The following INPP5K variants were observed in gnomAD, a reference collection of about 807,000 sequenced individuals.
INPP5K encodes inositol polyphosphate-5-phosphatase K.
Under a neutral mutation model 53.5 loss-of-function variants are expected in INPP5K, and 35 were observed. The ratio of observed to expected loss-of-function variants is 0.65; its 90% CI spans 0.50 to 0.87. The LOEUF (loss-of-function observed/expected upper bound fraction) is 0.87. INPP5K is among the 40% of genes least tolerant of loss of function. The pLI is 0.00. For missense variants in INPP5K, 550 were observed against 586.2 expected, an observed-to-expected ratio of 0.94 and a Z score of 0.64; for synonymous variants, 253 against 232.8, an observed-to-expected ratio of 1.09 and a Z score of -0.79.
At chr17:1,506,896 C>G in intron 7 of INPP5K, 84 bp downstream of exon 7, 2 of 958,162 alleles carry the variant, frequency 2.1e-6, no homozygotes, top group South Asian at 1.5e-5. Context: ...CCCCCTAACA[C>G]TTCTATTCTG....
In INPP5K at chr17:1,516,561, G is replaced by T. The variant is rs914441534; in HGVS notation, c.-62C>A. On this transcript the variant is annotated 5_prime_UTR_variant, in exon 1 of 12. Transcript: ENST00000421807. Reference sequence around the variant, plus strand: ...CGCGTCTCCCGGCCAGCGGGTCCCGGCCAGAGCAGCCCTGCGGGCGGCCGG... The same window carrying T: ...CGCGTCTCCCGGCCAGCGGGTCCCGTCCAGAGCAGCCCTGCGGGCGGCCGG... The T allele has an allele frequency of 9.4e-6, 14 of 1,495,956 alleles. No homozygotes were observed. The African/African-American group carries it at 1.7e-4, about 18-fold the overall frequency. 92.7% of individuals were successfully genotyped at this position (1,495,956 alleles called of 1,614,324 possible). A position where few individuals can be genotyped will look rare whatever the true frequency, so the allele number is the denominator to read the frequency against.
chr17:1,504,919 TCAGCCC>T (rs2075117815), intron 7 of INPP5K, among the ~76,000 whole-genome samples: 1 of 152,206 alleles, frequency 6.6e-6, no homozygotes, highest in Non-Finnish European at 1.5e-5. Flanking sequence ...GAGATCAGTC[TCAGCCC>T]CAGCTCTGCC....
chr17:1,500,740 G>GT (rs144347841), intron 7 of INPP5K, among the ~76,000 whole-genome samples: 25,613 of 151,938 alleles, frequency 0.17, 2,305 homozygotes, highest in Non-Finnish European at 0.2. Context: ...ATGTCACTTA[G>GT]GTGTAAGCCC....
In INPP5K at chr17:1,508,238, A is replaced by C. The variant is rs755745268; in HGVS notation, c.555-12T>G. The C allele has an allele frequency of 3.1e-6, 5 of 1,595,394 alleles. No homozygotes were observed. The South Asian group carries it at 3.3e-5, about 11-fold the overall frequency. On this transcript the variant is annotated splice_polypyrimidine_tract_variant and intron_variant, in intron 5 of 11. Transcript: ENST00000421807. ...ACCAGATAATGAGGCTTCAGAAAAA[A>C]AGGAGGGCAGCCTGAGGATTTGTGA...
intron 7 of INPP5K, among the ~76,000 whole-genome samples, chr17:1,501,947 A>C (rs1229219474): frequency 1.3e-5 from 2 of 151,694 alleles, no homozygotes; most frequent in African/African-American, 4.9e-5. Context: ...AGGCAGGAGA[A>C]TCGCTTGAAC....
rs577456958 is a variant in INPP5K at position 1,502,034 on chromosome 17, C to CA, written c.777-3913dup. ...TGGGCAACAGAGCAAGACTCCATCT[C>CA]AAAAAAAAAAAAGAAAAAAACAAAC... On this transcript the variant is annotated intron_variant, in intron 7 of 11. Transcript: ENST00000421807. Among the ~76,000 whole-genome samples the CA allele has an allele frequency of 7.9e-3, 1,041 of 132,176 alleles. 13 individuals carry two copies. Among genetic ancestry groups the CA allele is most frequent in the African/African-American group, 0.021 (735 of 35,788 alleles). The allele number at this position is 132,176 out of a possible 152,430, so 86.7% of individuals were successfully genotyped here. A position where few individuals can be genotyped will look rare whatever the true frequency, so the allele number is the denominator to read the frequency against.
intron 1 of INPP5K, 45 bp downstream of exon 1, chr17:1,516,411 C>T: frequency 6.4e-7 from 1 of 1,558,166 alleles, no homozygotes. Flanking sequence ...CAAGGGGCGC[C>T]GATCCCCCCG....
At chr17:1,514,146 A>G (rs2075377368) in intron 1 of INPP5K, among the ~76,000 whole-genome samples, 167 bp from the exon 2 acceptor site, 2 of 151,856 alleles carry the variant, frequency 1.3e-5, no homozygotes, top group African/African-American at 2.4e-5. Context: ...AACATGGTGA[A>G]ACCCCGTCTC....
chr17:1,497,808 AG>A (rs1413909494), intron 8 of INPP5K, 127 bp downstream of exon 8: 6 of 798,892 alleles, frequency 7.5e-6, no homozygotes, highest in Non-Finnish European at 1.2e-5. Context: ...CTGGCAGGAA[AG>A]GCAATCATGG....
rs1017829439 is a variant in INPP5K at position 1,496,714 on chromosome 17, T to C, written c.1053A>G (p.Ser351=). 1.2e-6 allele frequency: 2 copies of C among 1,613,976 alleles called. No individual in the cohort carries two copies. Among genetic ancestry groups the C allele is most frequent in the East Asian group, 2.2e-5 (1 of 44,896 alleles). ...VENDMMVSYS[S]TSDFPSSPWD... Reference sequence around the variant, plus strand: ...ACGGGCTGCTGGGGAAGTCCGAGGTTGAAGAGTAGCTGACCATCATGTCAT... The same window carrying C: ...ACGGGCTGCTGGGGAAGTCCGAGGTCGAAGAGTAGCTGACCATCATGTCAT... Residue 351 remains serine (S), a synonymous_variant, in exon 9 of 12, where the codon TCA becomes TCG. Transcript: ENST00000421807.
chr17:1,510,019 C>T (rs560822701), intron 3 of INPP5K, among the ~76,000 whole-genome samples: 15 of 152,338 alleles, frequency 9.8e-5, no homozygotes, highest in Middle Eastern at 6.8e-3. Context: ...TTCGATTCTG[C>T]GCCTAGGCGT....
intron 7 of INPP5K, among the ~76,000 whole-genome samples, chr17:1,498,735 G>A (rs1247880491): frequency 6.6e-6 from 1 of 152,104 alleles, no homozygotes; most frequent in Non-Finnish European, 1.5e-5. Context: ...CTGAGTGGCT[G>A]GGACGGTAAG....
At chr17:1,500,834 G>A (rs1190367710) in intron 7 of INPP5K, among the ~76,000 whole-genome samples, 1 of 151,968 alleles carries the variant, frequency 6.6e-6, no homozygotes, top group Non-Finnish European at 1.5e-5. Context: ...TCAATAACCA[G>A]GTACACTTAC....
At chr17:1,506,924 G>T in intron 7 of INPP5K, 56 bp downstream of exon 7, 2 of 1,203,642 alleles carry the variant, frequency 1.7e-6, no homozygotes, top group Admixed American at 1.8e-5. Context: ...TCCCATGCCA[G>T]CAGGGTCAGT....
chr17:1,513,346 G>T, intron 3 of INPP5K, 107 bp downstream of exon 3: 1 of 955,798 alleles, frequency 1.0e-6, no homozygotes, highest in Middle Eastern at 2.1e-4. Flanking sequence ...ATGGGAAACA[G>T]CATGAAAGGC....
At chr17:1,501,896 G>A (rs781449139) in intron 7 of INPP5K, among the ~76,000 whole-genome samples, 1 of 151,208 alleles carries the variant, frequency 6.6e-6, no homozygotes, top group Admixed American at 6.6e-5. Flanking sequence ...TTTGCCAGGC[G>A]TGGTGGCATG....
chr17:1,500,557 G>A (rs2074983377), intron 7 of INPP5K, among the ~76,000 whole-genome samples: 1 of 152,122 alleles, frequency 6.6e-6, no homozygotes, highest in African/African-American at 2.4e-5. Context: ...AGTAGAGACG[G>A]GGTTTCACCG....
rs1182680134 is a variant in INPP5K, at chr17:1,496,680, TC to T, written c.1086del (p.Trp362Ter). 1 of 1,614,000 alleles carries T rather than the reference TC, an allele frequency of 6.2e-7. No homozygotes were observed. The highest frequency in any genetic ancestry group is 1.3e-5 in the African/African-American group (1 of 74,900). ...TSDFPSSPWD[W>X]IGLYKVGLRD... ...CACCACATCACCTTGTACAGTCCAATCCAGTCCCACGGGCTGCTGGGGAAGT... is the reference window on the plus strand; with the variant it reads ...CACCACATCACCTTGTACAGTCCAATCAGTCCCACGGGCTGCTGGGGAAGT... On this transcript the variant is annotated frameshift_variant, in exon 9 of 12. Transcript: ENST00000421807. LOFTEE classifies it high-confidence loss of function.
In INPP5K at chr17:1,507,060, C is replaced by A. The variant is rs2075175365; in HGVS notation, c.696G>T (p.Leu232=). The A allele has an allele frequency of 6.2e-7, 1 of 1,614,050 alleles. No individual in the cohort carries two copies. Among genetic ancestry groups the A allele is most frequent in the Non-Finnish European group, 8.5e-7 (1 of 1,179,976 alleles). The change falls in exon 7 of 12, where the codon CTG becomes CTT. Residue 232 remains leucine, a synonymous_variant. Coordinates refer to ENST00000421807, the MANE Select transcript of INPP5K (RefSeq NM_016532.4). ...GGCGGCCCTCCTGGAACTCCCGGAG[C>A]AGCGGGTCATGTTTCTTGGCAATGC... ...QLSIAKKHDP[L]LREFQEGRLL... is the part of the protein sequence containing the mutation.
Sources: allele counts gnomAD v4.1 joint callset (sites outside exome capture counted in the v4.1 genomes callset), GRCh38; gene constraint gnomAD v4.1.1; transcripts MANE v1.5; gene names NCBI Gene and HGNC (gene_info 2026-07-23, HGNC 2026-07-21).